DPP6: variants seen among roughly 807,000 people sequenced by gnomAD.
DPP6 encodes the protein A-type potassium channel modulatory protein DPP6.
Under a neutral mutation model 122.6 loss-of-function variants are expected in DPP6, and 69 were observed. The ratio of observed to expected loss-of-function variants is 0.56; its 90% CI spans 0.46 to 0.69. The LOEUF (loss-of-function observed/expected upper bound fraction) is 0.69, where lower values mean the gene tolerates loss of function less well. Among genes scored for constraint, DPP6 ranks in the 30% least tolerant of loss-of-function variants. The pLI is 0.00. For synonymous variants in DPP6, 418 were observed against 433.1 expected (o/e 0.97, Z 0.43); for missense variants, 928 against 1,116.9 (o/e 0.83, Z 2.41).
chr7:154,475,792 A>G (rs1270852572), intron 3 of DPP6: 2 of 152,380 alleles, frequency 1.3e-5, no homozygotes, highest in Admixed American at 6.5e-5. Flanking sequence ...CTTACATTTC[A>G]TCTTTGCTTC....
Position 154,202,181 on chromosome 7 carries a change from C to T in DPP6, c.243+149118C>T, listed in dbSNP as rs545222636. On this transcript the variant is annotated intron_variant, in intron 1 of 25. Transcript: ENST00000377770. ...TTTCCCAAATGTCCATGGCATGAGT[C>T]GTGCATTCCAGATGCCTGGTGTGTT... Among the ~76,000 whole-genome samples the T allele has an allele frequency of 8.5e-5, 13 of 152,294 alleles. No homozygotes were observed. The East Asian group carries it at 9.7e-4, about 11-fold the overall frequency.
At chr7:154,144,320 G>A (rs1327505158) in intron 1 of DPP6, among the ~76,000 whole-genome samples, 1 of 148,618 alleles carries the variant, frequency 6.7e-6, no homozygotes, top group African/African-American at 2.5e-5. Flanking sequence ...TCTGTGTGTT[G>A]TAATCTCATC....
chr7:154,515,413 T>C (rs1826408887), intron 3 of DPP6, among the ~76,000 whole-genome samples: 1 of 152,196 alleles, frequency 6.6e-6, no homozygotes, highest in African/African-American at 2.4e-5. Flanking sequence ...TTCTGGGCCA[T>C]GGACTAGATT....
At chr7:154,221,969 A>G (rs967441278) in intron 1 of DPP6, among the ~76,000 whole-genome samples, 31 of 152,154 alleles carry the variant, frequency 2.0e-4, no homozygotes, top group African/African-American at 7.5e-4. Flanking sequence ...AAAAAAATGA[A>G]GACTCCTTAC....
chr7:154,840,454 A>C (rs987227873), intron 16 of DPP6, among the ~76,000 whole-genome samples: 1 of 152,216 alleles, frequency 6.6e-6, no homozygotes, highest in Non-Finnish European at 1.5e-5. Flanking sequence ...AGGTCTGATC[A>C]GATGTGAAAG....
At chr7:154,687,859 T>C (rs1355074019) in intron 7 of DPP6, among the ~76,000 whole-genome samples, 1 of 152,228 alleles carries the variant, frequency 6.6e-6, no homozygotes, top group African/African-American at 2.4e-5. Flanking sequence ...GGGAAGGGTG[T>C]GACGCATGCT....
At chr7:154,550,854 G>A (rs1177604805) in intron 4 of DPP6, among the ~76,000 whole-genome samples, 2 of 151,074 alleles carry the variant, frequency 1.3e-5, no homozygotes, top group South Asian at 4.2e-4. Context: ...AGGTTCAAGC[G>A]ATTCACTGGC....
At chr7:154,312,183 G>A (rs1407025175) in intron 1 of DPP6, among the ~76,000 whole-genome samples, 3 of 152,216 alleles carry the variant, frequency 2.0e-5, no homozygotes, top group Non-Finnish European at 4.4e-5. Flanking sequence ...TATCAGGCAA[G>A]TACCAAATTA....
intron 6 of DPP6, among the ~76,000 whole-genome samples, chr7:154,662,742 C>T: frequency 1.4e-5 from 1 of 70,912 alleles, no homozygotes; most frequent in Non-Finnish European, 3.2e-5. Context: ...CCGTAGTGTT[C>T]ATATAGTCAT....
At chr7:154,322,519 A>G (rs1457120042) in intron 1 of DPP6, among the ~76,000 whole-genome samples, 3 of 152,156 alleles carry the variant, frequency 2.0e-5, no homozygotes, top group African/African-American at 7.2e-5. Flanking sequence ...TTAATAATTC[A>G]CTTTCCAATG....
chr7:154,802,173 TAA>T (rs1277305097), intron 13 of DPP6, among the ~76,000 whole-genome samples: 1 of 152,168 alleles, frequency 6.6e-6, no homozygotes, highest in African/African-American at 2.4e-5. Context: ...GGAGGCAGTC[TAA>T]AGTTATTTGG....
At chr7:154,757,646 A>G (rs1378705556) in intron 8 of DPP6, among the ~76,000 whole-genome samples, 2 of 152,190 alleles carry the variant, frequency 1.3e-5, no homozygotes, top group Non-Finnish European at 2.9e-5. Context: ...GGAGATCCTC[A>G]TGGCTGAAGA....
chr7:154,492,655 G>C (rs571586909), intron 3 of DPP6, among the ~76,000 whole-genome samples: 2 of 152,124 alleles, frequency 1.3e-5, no homozygotes, highest in South Asian at 4.1e-4. Flanking sequence ...TTTTACATAT[G>C]AGGAAACTGA....
chr7:154,046,930 C>T (rs952149858), intron 1 of DPP6, among the ~76,000 whole-genome samples: 11 of 152,062 alleles, frequency 7.2e-5, no homozygotes, highest in Admixed American at 2.6e-4. Flanking sequence ...CTCTCTGTAA[C>T]TGTTTCTATT....
intron 6 of DPP6, among the ~76,000 whole-genome samples, chr7:154,641,657 A>G (rs1356871589): frequency 6.6e-6 from 1 of 152,200 alleles, no homozygotes; most frequent in Non-Finnish European, 1.5e-5. Flanking sequence ...TACATAATAC[A>G]CACTTTTAAT....
At chr7:154,593,114 G>C (rs1230153636) in intron 5 of DPP6, among the ~76,000 whole-genome samples, 1 of 152,118 alleles carries the variant, frequency 6.6e-6, no homozygotes, top group African/African-American at 2.4e-5. Context: ...ATCACAGCAG[G>C]GTAGGATGCC....
At chr7:153,942,522 G>T (rs1020241879) in intron 1 of DPP6, among the ~76,000 whole-genome samples, 4 of 152,196 alleles carry the variant, frequency 2.6e-5, no homozygotes, top group African/African-American at 9.7e-5. Context: ...TCCTGAGGTG[G>T]AGAGGAGGTC....
intron 1 of DPP6, among the ~76,000 whole-genome samples, chr7:154,213,937 G>C (rs2150813908): frequency 6.6e-6 from 1 of 152,276 alleles, no homozygotes; most frequent in Admixed American, 6.5e-5. Context: ...TCTCCTCCCT[G>C]CTCACCAGTA....
At chr7:154,172,528 C>G (rs1301562644) in intron 1 of DPP6, among the ~76,000 whole-genome samples, 1 of 152,066 alleles carries the variant, frequency 6.6e-6, no homozygotes, top group Non-Finnish European at 1.5e-5. Flanking sequence ...GGATAAAGTG[C>G]ATTTCTGAGT....
Sources: allele counts gnomAD v4.1 joint callset (sites outside exome capture counted in the v4.1 genomes callset), GRCh38; gene constraint gnomAD v4.1.1; transcripts MANE v1.5; gene names NCBI Gene and HGNC (gene_info 2026-07-23, HGNC 2026-07-21).